The following LRRC53 variants were observed in gnomAD, a reference collection of about 807,000 sequenced individuals.
LRRC53 encodes the protein leucine rich repeat containing 53.
In LRRC53, 25 loss-of-function variants were observed where a neutral mutation model predicts 13.6. The ratio of observed to expected loss-of-function variants is 1.83; its 90% CI spans 1.34 to 2.56. The LOEUF is 2.56. LRRC53 is among the 30% of genes most tolerant of loss of function. LRRC53 has a pLI of 0.00. For missense variants in LRRC53, 527 were observed against 275.8 expected, an observed-to-expected ratio of 1.91 and a Z score of -6.45; for synonymous variants, 204 against 109.8, an observed-to-expected ratio of 1.86 and a Z score of -5.37.
chr1:74,495,960 A>G (rs1384304648), intron 1 of LRRC53, among the ~76,000 whole-genome samples: 2 of 152,186 alleles, frequency 1.3e-5, no homozygotes, highest in East Asian at 3.9e-4. Flanking sequence ...GGATATAAAA[A>G]TTGATGGACT....
Position 74,480,123 on chromosome 1 carries a change from A to G in LRRC53, c.904+30T>C, listed in dbSNP as rs1308533630. The G allele has an allele frequency of 7.2e-6, 5 of 693,492 alleles. No individual in the cohort carries two copies. The Admixed American group carries it at 8.6e-5, about 12-fold the overall frequency. 43.0% of individuals were successfully genotyped at this position (693,492 alleles called of 1,614,324 possible). A position where few individuals can be genotyped will look rare whatever the true frequency, so the allele number is the denominator to read the frequency against. Reference sequence around the variant, plus strand: ...CAAAAATATGGACAAGAGAAGAGAAAAGAGGAGGGCACACTTCTCCCCGGC... The same window carrying G: ...CAAAAATATGGACAAGAGAAGAGAAGAGAGGAGGGCACACTTCTCCCCGGC... On this transcript the variant is annotated intron_variant, in intron 3 of 4. Coordinates refer to ENST00000294635, the MANE Select transcript of LRRC53 (RefSeq NM_001382280.1).
At chr1:74,530,043 C>T in the LRRC53 span, among the ~76,000 whole-genome samples, 1 of 152,174 alleles carries the variant, frequency 6.6e-6, no homozygotes, top group South Asian at 2.1e-4. Flanking sequence ...CAGCTCACTG[C>T]AACCTCTACC....
At position 74,472,198 on chromosome 1, in the gene LRRC53, A is replaced by G. The variant is rs1322380211; in HGVS notation, c.1424T>C (p.Ile475Thr). ...LQHHIIRTEDISSDIFRRRYA... is the reference protein window; with the variant it reads ...LQHHIIRTEDTSSDIFRRRYA... Reference sequence around the variant, plus strand: ...TCTTCTTCTAAATATGTCACTGCTGATATCTGTGGAACAATAAATGCAAGA... The same window carrying G: ...TCTTCTTCTAAATATGTCACTGCTGGTATCTGTGGAACAATAAATGCAAGA... Residue 475 changes from isoleucine (I) to threonine (T), a missense_variant, in exon 5 of 5, where the codon ATC becomes ACC. Transcript: ENST00000294635. 1 of 716,684 alleles carries G rather than the reference A, an allele frequency of 1.4e-6. No homozygotes were observed. The highest frequency in any genetic ancestry group is 1.7e-5 in the African/African-American group (1 of 57,338). 44.4% of individuals were successfully genotyped at this position (716,684 alleles called of 1,614,324 possible).
chr1:74,489,306 T>C, intron 1 of LRRC53: 2 of 1,559,988 alleles, frequency 1.3e-6, no homozygotes, highest in Non-Finnish European at 1.7e-6. Flanking sequence ...TCCAAGGCTG[T>C]CAGGGAATGT....
At chr1:74,517,584 G>A (rs967012585), upstream of LRRC53, among the ~76,000 whole-genome samples, 1 of 152,126 alleles carries the variant, frequency 6.6e-6, no homozygotes, top group Admixed American at 6.5e-5. Flanking sequence ...CCACATGTGG[G>A]GGCTGTGTGC....
chr1:74,505,580 C>A (rs1441976315), intron 1 of LRRC53, among the ~76,000 whole-genome samples: 1 of 152,154 alleles, frequency 6.6e-6, no homozygotes, highest in Non-Finnish European at 1.5e-5. Context: ...CCTTTAACAT[C>A]TTCCATGTGG....
chr1:74,475,116 C>A (rs900486620), intron 4 of LRRC53, among the ~76,000 whole-genome samples, 179 bp downstream of exon 4: 4 of 135,990 alleles, frequency 2.9e-5, no homozygotes, highest in East Asian at 2.3e-4. Context: ...CCACCTCAGC[C>A]CACACACACA....
intron 1 of LRRC53, among the ~76,000 whole-genome samples, chr1:74,486,404 A>G (rs1238750152): frequency 1.3e-5 from 2 of 152,066 alleles, no homozygotes; most frequent in Non-Finnish European, 2.9e-5. Flanking sequence ...GATCATTCAG[A>G]TACTGAATGG....
Position 74,475,669 on chromosome 1 carries a change from T to C in LRRC53, c.1046A>G (p.His349Arg). 1 of 715,298 alleles carries C rather than the reference T, an allele frequency of 1.4e-6. No homozygotes were observed. The highest frequency in any genetic ancestry group is 2.6e-6 in the Non-Finnish European group (1 of 384,166). 44.3% of individuals were successfully genotyped at this position (715,298 alleles called of 1,614,324 possible). A position where few individuals can be genotyped will look rare whatever the true frequency, so the allele number is the denominator to read the frequency against. The change falls in exon 4 of 5, where the codon CAC (histidine) becomes CGC (arginine). Residue 349 changes from histidine to arginine, a missense_variant. His to Arg is a conservative substitution (Grantham distance 29). Coordinates refer to ENST00000294635, the MANE Select transcript of LRRC53 (RefSeq NM_001382280.1). ...PLCAHEARNY[H>R]TKGYCNCHLT... ...GTGGCAGTTGCAGTATCCCTTAGTGTGGTAATTTCTTGCCTCATGAGCACA... is the reference window on the plus strand; with the variant it reads ...GTGGCAGTTGCAGTATCCCTTAGTGCGGTAATTTCTTGCCTCATGAGCACA...
the LRRC53 span, among the ~76,000 whole-genome samples, chr1:74,521,080 A>G: frequency 1.3e-5 from 2 of 152,136 alleles, no homozygotes; most frequent in Non-Finnish European, 2.9e-5. Flanking sequence ...CCTTTGGGCA[A>G]CAGCTTCAAC....
chr1:74,483,489 T>A (rs1242570466), intron 1 of LRRC53, 114 bp from the exon 2 acceptor site: 1 of 547,542 alleles, frequency 1.8e-6, no homozygotes, highest in African/African-American at 1.9e-5. Context: ...AATGAGCATC[T>A]TGGTGTTCTC....
intron 1 of LRRC53, chr1:74,492,346 A>G (rs1462287643): frequency 3.0e-6 from 4 of 1,350,742 alleles, no homozygotes; most frequent in Non-Finnish European, 3.9e-6. Flanking sequence ...TTTGATTACT[A>G]TTAACAGGGT....
chr1:74,504,074 G>A (rs1669769168), intron 1 of LRRC53, among the ~76,000 whole-genome samples: 1 of 152,144 alleles, frequency 6.6e-6, no homozygotes, highest in African/African-American at 2.4e-5. Flanking sequence ...TGCATACCCA[G>A]ACAGCACTAT....
At chr1:74,520,131 T>C in the LRRC53 span, among the ~76,000 whole-genome samples, 2 of 146,176 alleles carry the variant, frequency 1.4e-5, no homozygotes, top group East Asian at 4.1e-4. Context: ...ACCCAATTTG[T>C]AGTCTTTTAT....
chr1:74,499,383 A>G lies in LRRC53; in HGVS notation c.-27+13143T>C, dbSNP rs114296924. ...CTGGTCTCCTAAGGTTAAATGATTC[A>G]GCTTCCTAAAGTGCTGAGATTATAA... On this transcript the variant is annotated intron_variant, in intron 1 of 4. Coordinates refer to ENST00000294635, the MANE Select transcript of LRRC53 (RefSeq NM_001382280.1). 9.1e-3 allele frequency among the ~76,000 whole-genome samples: 1,389 copies of G among 152,286 alleles called. 24 individuals carry two copies. Among genetic ancestry groups the G allele is most frequent in the African/African-American group, 0.032 (1,343 of 41,554 alleles).
chr1:74,512,215 A>G (rs2100384487), intron 1 of LRRC53, among the ~76,000 whole-genome samples: 1 of 152,310 alleles, frequency 6.6e-6, no homozygotes, highest in African/African-American at 2.4e-5. Flanking sequence ...GTTTACTGTC[A>G]GTGATTGTAC....
intron 1 of LRRC53, among the ~76,000 whole-genome samples, chr1:74,500,959 T>G (rs1315819534): frequency 6.6e-6 from 1 of 152,170 alleles, no homozygotes; most frequent in Non-Finnish European, 1.5e-5. Flanking sequence ...TTATGTTTAT[T>G]TATTTTACTT....
At chr1:74,511,225 T>C (rs1187743941) in intron 1 of LRRC53, among the ~76,000 whole-genome samples, 1 of 150,084 alleles carries the variant, frequency 6.7e-6, no homozygotes, top group Non-Finnish European at 1.5e-5. Flanking sequence ...GGAATTTCGC[T>C]CTTATTGCCC....
chr1:74,520,118 T>G, the LRRC53 span, among the ~76,000 whole-genome samples: 1 of 151,748 alleles, frequency 6.6e-6, no homozygotes, highest in Non-Finnish European at 1.5e-5. Context: ...CAGTATATGC[T>G]GAACCCAATT....
Sources: allele counts gnomAD v4.1 joint callset (sites outside exome capture counted in the v4.1 genomes callset), GRCh38; gene constraint gnomAD v4.1.1; transcripts MANE v1.5; gene names NCBI Gene and HGNC (gene_info 2026-07-23, HGNC 2026-07-21).